Variants in CA4 observed in about 807,000 individuals in gnomAD.
The protein encoded by CA4 is CA-IV.
CA4 carries 24 observed loss-of-function variants against 34.5 expected under a neutral mutation model. The observed-to-expected ratio is 0.70, with a 90% CI of 0.50 to 0.98. CA4 has a LOEUF of 0.98. Ranked by LOEUF, CA4 falls within the 50% of genes least tolerant of loss-of-function variation. The pLI, the probability that CA4 is intolerant of heterozygous loss-of-function variation, is 0.00. For synonymous variants in CA4, 178 were observed against 170.6 expected, an observed-to-expected ratio of 1.04 and a Z score of -0.34; for missense variants, 394 against 396.7, an observed-to-expected ratio of 0.99 and a Z score of 0.06.
intron 1 of CA4, among the ~76,000 whole-genome samples, chr17:60,154,338 A>G (rs997191836): frequency 6.6e-5 from 10 of 151,996 alleles, no homozygotes; most frequent in Admixed American, 5.9e-4. Flanking sequence ...CCAAGGCCCT[A>G]TGAGGTGGGT....
chr17:60,176,268 T>C, the CA4 span, among the ~76,000 whole-genome samples: 2 of 152,078 alleles, frequency 1.3e-5, no homozygotes, highest in Non-Finnish European at 2.9e-5. Flanking sequence ...TTGAGTATCG[T>C]TGGATTGAGC....
intron 5 of CA4, among the ~76,000 whole-genome samples, chr17:60,165,830 T>G (rs1380109244): frequency 6.7e-6 from 1 of 149,834 alleles, no homozygotes; most frequent in African/African-American, 2.5e-5. Flanking sequence ...ATAACAAATC[T>G]CTTTTTTTTT....
chr17:60,155,453 G>C, intron 2 of CA4, 86 bp downstream of exon 2: 1 of 1,084,744 alleles, frequency 9.2e-7, no homozygotes, highest in East Asian at 2.6e-5. Context: ...GAGTGGGAAG[G>C]GGAGGGGTGA....
Position 60,167,325 on chromosome 17 carries a change from C to T in CA4, c.*179-3226C>T, listed in dbSNP as rs113586678. On this transcript the variant is annotated intron_variant and NMD_transcript_variant, in intron 5 of 5. Transcript: ENST00000586876. ...TGGAGCGCTCTCCCCCACCACTCCCCGCAGTCTTGCTTCCTCTTGTGAAGT... is the reference window on the plus strand; with the variant it reads ...TGGAGCGCTCTCCCCCACCACTCCCTGCAGTCTTGCTTCCTCTTGTGAAGT... 4.2e-3 allele frequency among the ~76,000 whole-genome samples: 634 copies of T among 152,300 alleles called. 7 individuals are homozygous for T. The highest frequency in any genetic ancestry group is 0.014 in the African/African-American group (600 of 41,562).
intron 1 of CA4, 38 bp downstream of exon 1, chr17:60,150,130 G>A (rs971520174): frequency 6.5e-7 from 1 of 1,543,220 alleles, no homozygotes; most frequent in Non-Finnish European, 8.8e-7. Flanking sequence ...GCCCCTCGGC[G>A]GTCCCCTCCG....
At chr17:60,175,817 A>C (rs1485010279), downstream of CA4, among the ~76,000 whole-genome samples, 3 of 147,030 alleles carry the variant, frequency 2.0e-5, no homozygotes, top group Admixed American at 2.0e-4. Flanking sequence ...TTCATTTTAT[A>C]CATTTTTTTT....
downstream of CA4, among the ~76,000 whole-genome samples, chr17:60,173,575 C>T (rs16944117): frequency 6.8e-3 from 1,043 of 152,330 alleles, 13 homozygotes; most frequent in African/African-American, 0.024. Context: ...GCAATTATGT[C>T]TACAGAGCTT....
chr17:60,167,996 C>A (rs747303555), intron 5 of CA4, among the ~76,000 whole-genome samples: 13 of 152,092 alleles, frequency 8.5e-5, no homozygotes, highest in Non-Finnish European at 1.6e-4. Flanking sequence ...TGGCCTCCTG[C>A]GAGACACCTC....
At chr17:60,156,146 T>C (rs2083680038) in intron 2 of CA4, among the ~76,000 whole-genome samples, 1 of 151,986 alleles carries the variant, frequency 6.6e-6, no homozygotes, top group South Asian at 2.1e-4. Context: ...TCCAAAGCCC[T>C]CTCCATCCAC....
At chr17:60,170,568 C>G (rs1208637372) in exon 6 of CA4, 1 of 152,230 alleles carries the variant, frequency 6.6e-6, no homozygotes, top group East Asian at 1.9e-4. Context: ...GGTCCCTGGG[C>G]CATCAGAAGC....
chr17:60,150,000 C>A lies in CA4; in HGVS notation c.-35C>A, dbSNP rs748128085. Reference sequence around the variant, plus strand: ...CCGCGGCGGCCTCCTCGGTGCGCGACCCCCGGCTCAGAGGACTCTTTGCTG... The same window carrying A: ...CCGCGGCGGCCTCCTCGGTGCGCGAACCCCGGCTCAGAGGACTCTTTGCTG... On this transcript the variant is annotated 5_prime_UTR_variant, in exon 1 of 8. Transcript: ENST00000300900. 1.9e-6 allele frequency: 3 copies of A among 1,576,632 alleles called. No homozygotes were observed. The highest frequency in any genetic ancestry group is 1.7e-6 in the Non-Finnish European group (2 of 1,158,298).
chr17:60,151,155 C>T (rs775246182), intron 1 of CA4, among the ~76,000 whole-genome samples: 22 of 152,178 alleles, frequency 1.4e-4, no homozygotes, highest in Non-Finnish European at 2.6e-4. Flanking sequence ...AACCCCAGAC[C>T]CCATCACCGG....
chr17:60,164,234 C>T (rs1408106381), downstream of CA4, among the ~76,000 whole-genome samples: 3 of 130,612 alleles, frequency 2.3e-5, no homozygotes, highest in Admixed American at 8.7e-5. Context: ...CTTTCTCTTT[C>T]TCTTTCTTTC....
At chr17:60,168,714 G>C (rs539756015) in intron 5 of CA4, among the ~76,000 whole-genome samples, 1 of 152,274 alleles carries the variant, frequency 6.6e-6, no homozygotes, top group South Asian at 2.1e-4. Flanking sequence ...CAGTGGTCAC[G>C]TTGGGTGAGG....
At chr17:60,178,499 T>G in the CA4 span, among the ~76,000 whole-genome samples, 1 of 152,200 alleles carries the variant, frequency 6.6e-6, no homozygotes, top group Admixed American at 6.5e-5. Context: ...ATGCCTCCAC[T>G]GGGAGGGCCA....
Position 60,159,256 on chromosome 17 carries a change from C to A in CA4, c.771C>A (p.Tyr257Ter). 6.2e-7 allele frequency: 1 copy of A among 1,607,046 alleles called. No individual in the cohort carries two copies. Among genetic ancestry groups the A allele is most frequent in the Non-Finnish European group, 8.5e-7 (1 of 1,176,670 alleles). Reference sequence around the variant, plus strand: ...TCCTGGCATTCTCTCAGAAGCTGTACTACGACAAGGAACAGACAGTGAGCA... The same window carrying A: ...TCCTGGCATTCTCTCAGAAGCTGTAATACGACAAGGAACAGACAGTGAGCA... The part of the protein sequence containing the change: ...EQILAFSQKL[Y>*]YDKEQTVSMK... Residue 257 changes from tyrosine (Y) to a stop codon, truncating the protein, a stop_gained, in exon 8 of 8, where the codon TAC becomes TAA. Coordinates refer to ENST00000300900, the MANE Select transcript of CA4 (RefSeq NM_000717.5). LOFTEE classifies it low-confidence loss of function (END_TRUNC).
intron 1 of CA4, among the ~76,000 whole-genome samples, chr17:60,151,101 A>G (rs1394741933): frequency 6.6e-6 from 1 of 152,218 alleles, no homozygotes; most frequent in Non-Finnish European, 1.5e-5. Context: ...AGGCGCTTCA[A>G]GCGGCTGGGC....
chr17:60,164,234 CTCTT>C (rs1173967780), downstream of CA4, among the ~76,000 whole-genome samples: 7 of 130,612 alleles, frequency 5.4e-5, no homozygotes, highest in South Asian at 2.6e-4. Context: ...CTTTCTCTTT[CTCTT>C]TCTTTCTTCC....
rs115932274 is a variant in CA4, at chr17:60,151,723, A to G, written c.58+1631A>G. On this transcript the variant is annotated intron_variant, in intron 1 of 7. Coordinates refer to ENST00000300900, the MANE Select transcript of CA4 (RefSeq NM_000717.5). ...CAGTGTCAGGAATGTGTCTCAGCTC[A>G]CCCCTCACACAAGCTGCTATCCCCT... is the stretch of plus-strand genomic sequence containing the variant. 3.2e-3 allele frequency among the ~76,000 whole-genome samples: 485 copies of G among 152,122 alleles called. 2 individuals are homozygous for G. The highest frequency in any genetic ancestry group is 9.8e-3 in the African/African-American group (406 of 41,490).
Sources: allele counts gnomAD v4.1 joint callset (sites outside exome capture counted in the v4.1 genomes callset), GRCh38; gene constraint gnomAD v4.1.1; transcripts MANE v1.5; gene names NCBI Gene and HGNC (gene_info 2026-07-23, HGNC 2026-07-21).